The following ARSF variants were observed in gnomAD, a reference collection of about 807,000 sequenced individuals.
The protein encoded by ARSF is arylsulfatase F.
A neutral mutation model predicts 35.4 loss-of-function variants in ARSF; 33 were observed. The ratio of observed to expected loss-of-function variants is 0.93; its 90% CI spans 0.71 to 1.25. The LOEUF (loss-of-function observed/expected upper bound fraction) is 1.25, where lower values mean the gene tolerates loss of function less well. ARSF is among the 50% of genes most tolerant of loss of function. ARSF has a pLI of 0.00. For synonymous variants in ARSF, 222 were observed against 193.1 expected (o/e 1.15, Z -1.24); for missense variants, 501 against 480.2 (o/e 1.04, Z -0.40).
chrX:3,056,357 C>A (rs1363608822), intron 1 of ARSF, among the ~76,000 whole-genome samples: 3 of 107,676 alleles, frequency 2.8e-5, no homozygotes, highest in Admixed American at 2.0e-4. Flanking sequence ...CTCACTGCAA[C>A]CTCTGCCTCC....
chrX:3,060,922 T>C (rs2090039163), intron 1 of ARSF, among the ~76,000 whole-genome samples: 1 of 111,510 alleles, frequency 9.0e-6, no homozygotes, highest in African/African-American at 3.3e-5. Context: ...TTCCCCAACC[T>C]AGCAAGGCAG....
intron 1 of ARSF, among the ~76,000 whole-genome samples, chrX:3,050,016 C>T (rs763458015): frequency 1.8e-5 from 2 of 110,584 alleles, no homozygotes; most frequent in East Asian, 2.9e-4. Flanking sequence ...CCTGCCACCA[C>T]GCCCAGCTAA....
intron 1 of ARSF, chrX:3,058,633 C>A (rs760101887): frequency 2.0e-4 from 64 of 324,301 alleles, no homozygotes; most frequent in Admixed American, 3.5e-4. Context: ...CAGGAGGATT[C>A]TTTGAGGCCA....
intron 7 of ARSF, among the ~76,000 whole-genome samples, chrX:3,099,934 G>A (rs1286582084): frequency 2.7e-5 from 3 of 111,655 alleles, no homozygotes; most frequent in African/African-American, 6.5e-5. Context: ...TAGTACTTTA[G>A]GAATGTTAAT....
At chrX:3,110,926 T>C (rs1163628146) in intron 10 of ARSF, among the ~76,000 whole-genome samples, 1 of 111,923 alleles carries the variant, frequency 8.9e-6, no homozygotes, top group Non-Finnish European at 1.9e-5. Flanking sequence ...AAAATATATA[T>C]ACATTTTTAG....
At position 3,063,023 on chromosome X, in the gene ARSF, A is replaced by G. The variant is rs1183417353; in HGVS notation, c.-28-5050A>G. 2.7e-5 allele frequency among the ~76,000 whole-genome samples: 3 copies of G among 112,039 alleles called. No individual in the cohort carries two copies. In the Admixed American group the frequency reaches 2.9e-4, roughly 11 times the overall value. On this transcript the variant is annotated intron_variant, in intron 1 of 10. Transcript: ENST00000381127. The stretch of plus-strand genomic sequence containing the variant: ...CAAAAAAAGAGAATTTTAGATCAAT[A>G]TCCCTGATGAACATCAGTGCAAAAA...
chrX:3,062,043 T>C (rs2090044077), intron 1 of ARSF, among the ~76,000 whole-genome samples: 2 of 111,559 alleles, frequency 1.8e-5, no homozygotes, highest in Non-Finnish European at 3.8e-5. Flanking sequence ...ATTGACCACA[T>C]AGTTGGAAGT....
intron 1 of ARSF, among the ~76,000 whole-genome samples, chrX:3,045,644 C>CT (rs1336828681): frequency 9.3e-6 from 1 of 107,525 alleles, no homozygotes; most frequent in East Asian, 2.9e-4. Flanking sequence ...CAACCTCCAC[C>CT]TCCCGGGTTC....
At chrX:3,068,341 A>G (rs1427674074) in intron 2 of ARSF, among the ~76,000 whole-genome samples, 1 of 112,082 alleles carries the variant, frequency 8.9e-6, no homozygotes, top group Non-Finnish European at 1.9e-5. Flanking sequence ...GTTTTTTAAA[A>G]AGGTAGGAGT....
At chrX:3,044,790 G>C (rs1045431550) in intron 1 of ARSF, among the ~76,000 whole-genome samples, 2 of 109,175 alleles carry the variant, frequency 1.8e-5, no homozygotes, top group African/African-American at 6.7e-5. Flanking sequence ...CCTGCCAGCT[G>C]GTCTGGTCCT....
chrX:3,073,524 CTATAT>C (rs1372936413), intron 3 of ARSF, among the ~76,000 whole-genome samples: 3 of 86,406 alleles, frequency 3.5e-5, no homozygotes, highest in Non-Finnish European at 6.3e-5. Flanking sequence ...GATCACTATA[CTATAT>C]ATTAATAAAT....
In ARSF at chrX:3,103,771, G is replaced by T. The variant is rs888359950; in HGVS notation, c.1112G>T (p.Gly371Val). 1 of 1,209,299 alleles carries T rather than the reference G, an allele frequency of 8.3e-7. No homozygotes were observed. The highest frequency in any genetic ancestry group is 1.8e-5 in the African/African-American group (1 of 57,073). Residue 371 changes from glycine (G) to valine (V), a missense_variant, in exon 9 of 11, where the codon GGC becomes GTC. Coordinates refer to ENST00000381127, the MANE Select transcript of ARSF (RefSeq NM_001201539.2). Reference protein sequence around the residue: ...GWNGIYKGGKGMGGWEGGIRV... With the variant: ...GWNGIYKGGKVMGGWEGGIRV... Reference sequence around the variant, plus strand: ...TTGCATTGTCTTATAGGTGGAAAAGGCATGGGGGGCTGGGAAGGTGGAATC... The same window carrying T: ...TTGCATTGTCTTATAGGTGGAAAAGTCATGGGGGGCTGGGAAGGTGGAATC...
intron 4 of ARSF, 84 bp downstream of exon 4, chrX:3,076,753 A>G (rs756576259): frequency 3.5e-5 from 40 of 1,131,364 alleles, no homozygotes; most frequent in Non-Finnish European, 4.4e-5. Context: ...CACGTTAACA[A>G]GTAAAAAAGG....
chrX:3,098,382 G>A (rs905642359), intron 7 of ARSF, among the ~76,000 whole-genome samples: 8 of 111,110 alleles, frequency 7.2e-5, no homozygotes, highest in Non-Finnish European at 1.3e-4. Flanking sequence ...ATCTACAAGA[G>A]TATGTGATAT....
chrX:3,103,577 C>A (rs1603465103), intron 8 of ARSF, among the ~76,000 whole-genome samples, 185 bp from the exon 9 acceptor site: 1 of 111,535 alleles, frequency 9.0e-6, no homozygotes, highest in African/African-American at 3.3e-5. Context: ...TAATCAAAAA[C>A]CTACCAGCAG....
rs752727389 is a variant in ARSF at position 3,089,716 on chromosome X, G to A, written c.967+84G>A. The A allele has an allele frequency of 8.8e-5, 92 of 1,048,625 alleles. No individual in the cohort carries two copies. The South Asian group carries it at 1.7e-3, about 19-fold the overall frequency. 86.4% of individuals were successfully genotyped at this position (1,048,625 alleles called of 1,213,427 possible). A position where few individuals can be genotyped will look rare whatever the true frequency, so the allele number is the denominator to read the frequency against. ...GAAAACTGCTCTTGGTCAACCTGTAGAGTGAAGAGAATTATGCCTATGGGA... is the reference window on the plus strand; with the variant it reads ...GAAAACTGCTCTTGGTCAACCTGTAAAGTGAAGAGAATTATGCCTATGGGA... On this transcript the variant is annotated intron_variant, in intron 7 of 10. Coordinates refer to ENST00000381127, the MANE Select transcript of ARSF (RefSeq NM_001201539.2).
chrX:3,041,071 G>A (rs1785335769), upstream of ARSF, among the ~76,000 whole-genome samples: 1 of 110,706 alleles, frequency 9.0e-6, no homozygotes, highest in Admixed American at 9.7e-5. Flanking sequence ...ATTTGTGTAA[G>A]CGGGAAAAGC....
intron 3 of ARSF, among the ~76,000 whole-genome samples, chrX:3,073,970 T>C (rs1010831015): frequency 2.7e-5 from 3 of 109,928 alleles, no homozygotes; most frequent in Non-Finnish European, 5.7e-5. Context: ...ATTCTTATAC[T>C]GAGCTTAGGA....
intron 4 of ARSF, among the ~76,000 whole-genome samples, chrX:3,077,156 A>G (rs1314077089): frequency 1.8e-5 from 2 of 112,372 alleles, no homozygotes; most frequent in African/African-American, 3.2e-5. Context: ...CAGAGATGCA[A>G]GATCACCCTG....
Sources: allele counts gnomAD v4.1 joint callset (sites outside exome capture counted in the v4.1 genomes callset), GRCh38; gene constraint gnomAD v4.1.1; transcripts MANE v1.5; gene names NCBI Gene and HGNC (gene_info 2026-07-23, HGNC 2026-07-21).